SYNE2: variants seen among roughly 807,000 people sequenced by gnomAD.
SYNE2 encodes the protein spectrin repeat containing nuclear envelope protein 2, also known as nesprin-2.
In SYNE2, 431 loss-of-function variants were observed where a neutral mutation model predicts 856.3. The observed-to-expected ratio is 0.50, with a 90% confidence interval of 0.47 to 0.55. The LOEUF (loss-of-function observed/expected upper bound fraction) is 0.55, where lower values mean the gene tolerates loss of function less well. SYNE2 is among the 20% of genes least tolerant of loss of function. The pLI is 0.00. For missense variants in SYNE2, 8,129 were observed against 8,023.2 expected (o/e 1.01, Z -0.50); for synonymous variants, 2,923 against 2,872.3 (o/e 1.02, Z -0.56).
chr14:63,974,888 GTGTGTATATATA>G (rs1257218689), intron 11 of SYNE2, among the ~76,000 whole-genome samples: 4 of 26,458 alleles, frequency 1.5e-4, no homozygotes, highest in East Asian at 1.5e-3. Flanking sequence ...GTGTGTGTGT[GTGTGTATATATA>G]TATATATATA....
rs1567428852 is a variant in SYNE2 at position 64,138,955 on chromosome 14, GTGT to G, written c.14843+973_14843+975del. On this transcript the variant is annotated intron_variant, in intron 79 of 115. Coordinates refer to ENST00000555002, the MANE Select transcript of SYNE2 (RefSeq NM_182914.3). ...GTGTGTGTGTATGTATGGTGTGTGT[GTGT>G]GTGTGTGTGTGTGTGTGTGTGTATG... Among the ~76,000 whole-genome samples, 6 of 108,034 alleles carry G rather than the reference GTGT, an allele frequency of 5.6e-5. No homozygotes were observed. In the East Asian group the frequency reaches 2.8e-3, roughly 50 times the overall value. The allele number at this position is 108,034 out of a possible 152,430, so 70.9% of individuals were successfully genotyped here.
intron 1 of SYNE2, among the ~76,000 whole-genome samples, chr14:63,801,273 C>T (rs1447149088): frequency 6.6e-6 from 1 of 152,120 alleles, no homozygotes; most frequent in Non-Finnish European, 1.5e-5. Flanking sequence ...GTGTATACTG[C>T]TTGGGTGATG....
chr14:64,115,798 TG>T (rs976292103), intron 66 of SYNE2, among the ~76,000 whole-genome samples: 1 of 152,082 alleles, frequency 6.6e-6, no homozygotes, highest in Non-Finnish European at 1.5e-5. Flanking sequence ...AACCTTAAAG[TG>T]GTCTGTAAAA....
chr14:64,159,215 G>GT, intron 86 of SYNE2, 97 bp from the exon 87 acceptor site: 4 of 1,470,648 alleles, frequency 2.7e-6, no homozygotes, highest in African/African-American at 1.4e-5. Context: ...AGATTTGAGT[G>GT]TTATTGCTAC....
chr14:64,168,404 G>A (rs1441464892), intron 92 of SYNE2, among the ~76,000 whole-genome samples: 4 of 152,160 alleles, frequency 2.6e-5, no homozygotes, highest in Admixed American at 2.6e-4. Flanking sequence ...AAAGTGTGCA[G>A]AATTACTTCA....
intron 97 of SYNE2, among the ~76,000 whole-genome samples, chr14:64,188,131 T>C (rs775927782): frequency 2.6e-5 from 4 of 152,220 alleles, no homozygotes; most frequent in Non-Finnish European, 4.4e-5. Flanking sequence ...AAATGTTTGA[T>C]TGACATTCTA....
intron 32 of SYNE2, among the ~76,000 whole-genome samples, chr14:64,013,212 T>C (rs910978731): frequency 1.3e-5 from 2 of 152,264 alleles, no homozygotes; most frequent in East Asian, 3.8e-4. Context: ...GAAAGTTCTT[T>C]GCAGGCAAAA....
intron 53 of SYNE2, 21 bp from the exon 54 acceptor site, chr14:64,075,924 C>G: frequency 1.9e-6 from 3 of 1,613,032 alleles, no homozygotes; most frequent in African/African-American, 1.3e-5. Flanking sequence ...GTGAGTATTG[C>G]AACTCTCTTA....
chr14:63,844,715 T>C (rs1471142297), intron 1 of SYNE2, among the ~76,000 whole-genome samples: 1 of 152,156 alleles, frequency 6.6e-6, no homozygotes, highest in Non-Finnish European at 1.5e-5. Flanking sequence ...AAAATGTCAC[T>C]GGCTTCATAA....
chr14:63,992,068 C>T (rs969496129), intron 21 of SYNE2, among the ~76,000 whole-genome samples: 4 of 151,934 alleles, frequency 2.6e-5, no homozygotes, highest in African/African-American at 7.3e-5. Context: ...GATCTCACGC[C>T]GTTTGAATTT....
In SYNE2 at chr14:63,983,847, G is replaced by A; in HGVS notation, c.2112G>A (p.Met704Ile). Residue 704 changes from methionine to isoleucine, a missense_variant, in exon 18 of 116, where the codon ATG becomes ATA. Coordinates refer to ENST00000555002, the MANE Select transcript of SYNE2 (RefSeq NM_182914.3). ...CAACTGTTGAGTTTTCAACAGATATGTCAGTAGAACTTCCTGAAAATTATA... is the reference window on the plus strand; with the variant it reads ...CAACTGTTGAGTTTTCAACAGATATATCAGTAGAACTTCCTGAAAATTATA... ...EKATVEFSTD[M>I]SVELPENYNQ... is the part of the protein sequence containing the mutation. 6.3e-7 allele frequency: 1 copy of A among 1,588,970 alleles called. No individual in the cohort carries two copies. Among genetic ancestry groups the A allele is most frequent in the South Asian group, 1.1e-5 (1 of 89,638 alleles).
Position 63,981,123 on chromosome 14 carries a change from C to A in SYNE2, c.1786C>A (p.Arg596Ser), listed in dbSNP as rs761087743. ...TTGGGCTACTTATGTGGAAAACCTT[C>A]GCTTACTAAGGGCTTGCTTTGAGGA... ...ACWATYVENLRLLRACFEETK... is the reference protein window; with the variant it reads ...ACWATYVENLSLLRACFEETK... The change falls in exon 16 of 116, where the codon CGC becomes AGC. Residue 596 changes from arginine to serine, a missense_variant. Physicochemically the swap from Arg to Ser is moderately radical, Grantham distance 110 (BLOSUM62 -1). Around this residue, in one of 3 missense-constraint regions of SYNE2, gnomAD observed 2,422 missense variants for 2,357.4 expected, o/e 1.03. Transcript: ENST00000555002. The A allele has an allele frequency of 1.7e-5, 27 of 1,613,760 alleles. No individual in the cohort carries two copies. The highest frequency in any genetic ancestry group is 2.2e-5 in the Non-Finnish European group (26 of 1,179,824).
chr14:64,118,060 G>T (rs1436085402), intron 66 of SYNE2, among the ~76,000 whole-genome samples: 6 of 152,240 alleles, frequency 3.9e-5, no homozygotes, highest in African/African-American at 1.4e-4. Flanking sequence ...AGCTTGCTTG[G>T]ATGAAGGAGT....
At chr14:64,211,183 T>A (rs928318396) in intron 103 of SYNE2, among the ~76,000 whole-genome samples, 5 of 152,340 alleles carry the variant, frequency 3.3e-5, no homozygotes, top group Admixed American at 6.5e-5. Context: ...CTCACTATGT[T>A]GCCCAGGCTG....
intron 61 of SYNE2, 126 bp from the exon 62 acceptor site, chr14:64,097,823 G>T: frequency 1.1e-6 from 1 of 917,360 alleles, no homozygotes; most frequent in South Asian, 1.4e-5. Context: ...CCAGAGACTA[G>T]CTTCTGGCTT....
At chr14:64,034,805 G>A (rs776142261) in intron 45 of SYNE2, among the ~76,000 whole-genome samples, 1 of 151,962 alleles carries the variant, frequency 6.6e-6, no homozygotes, top group Non-Finnish European at 1.5e-5. Flanking sequence ...TTCTATATAG[G>A]TTAAGTGAAG....
intron 78 of SYNE2, among the ~76,000 whole-genome samples, chr14:64,135,290 A>T (rs923613617): frequency 6.6e-6 from 1 of 152,188 alleles, no homozygotes; most frequent in African/African-American, 2.4e-5. Context: ...TGCCTGAATG[A>T]ACTAGTTGGA....
chr14:64,111,886 G>C (rs778606805), intron 65 of SYNE2, among the ~76,000 whole-genome samples: 6 of 152,098 alleles, frequency 3.9e-5, no homozygotes, highest in Non-Finnish European at 8.8e-5. Context: ...TTCAGAAAAA[G>C]CACAACACAA....
intron 45 of SYNE2, among the ~76,000 whole-genome samples, chr14:64,035,368 TATAAC>T (rs1285490846): frequency 6.6e-6 from 1 of 152,088 alleles, no homozygotes; most frequent in Non-Finnish European, 1.5e-5. Context: ...AAAAAAAAGT[TATAAC>T]AGAGCACATA....
Sources: gnomAD v4.1 joint callset for allele counts (sites outside exome capture counted in the v4.1 genomes callset) on GRCh38, gnomAD v4.1.1 for gene constraint, gnomAD v4.1.1 regional missense constraint, MANE v1.5 for transcripts, NCBI Gene and HGNC (gene_info 2026-07-23, HGNC 2026-07-21) for gene names.